PUS10: variants seen among roughly 807,000 people sequenced by gnomAD.
PUS10 encodes tRNA pseudouridine synthase Pus10.
A neutral mutation model predicts 75.0 loss-of-function variants in PUS10; 59 were observed. The observed-to-expected ratio is 0.79, with a 90% CI of 0.64 to 0.98. PUS10 has a LOEUF of 0.98. Ranked by LOEUF, PUS10 falls within the 50% of genes least tolerant of loss-of-function variation. The probability of loss-of-function intolerance (pLI) is 0.00; values close to 1 mark genes in which losing one functional copy is unlikely to be tolerated. For synonymous variants in PUS10, 219 were observed against 211.6 expected, an observed-to-expected ratio of 1.03 and a Z score of -0.30; for missense variants, 650 against 614.4, an observed-to-expected ratio of 1.06 and a Z score of -0.61.
chr2:61,009,039 G>C, intron 2 of PUS10, 24 bp from the exon 3 acceptor site: 4 of 1,594,666 alleles, frequency 2.5e-6, no homozygotes, highest in East Asian at 4.5e-5. Flanking sequence ...GAAAGAAAAA[G>C]TAATGACCCA....
At chr2:60,970,244 T>C (rs965574476) in intron 5 of PUS10, among the ~76,000 whole-genome samples, 1 of 152,214 alleles carries the variant, frequency 6.6e-6, no homozygotes, top group Non-Finnish European at 1.5e-5. Flanking sequence ...TTGAGACTAA[T>C]TTAATAAGAT....
At position 61,011,843 on chromosome 2, in the gene PUS10, G is replaced by A; in HGVS notation, c.48C>T (p.Leu16=). 1.2e-6 allele frequency: 2 copies of A among 1,608,974 alleles called. No homozygotes were observed. The highest frequency in any genetic ancestry group is 1.7e-4 in the Middle Eastern group (1 of 6,050). ...EENKHVAQLL[L]NTGTCPRCIF... Reference sequence around the variant, plus strand: ...TACATCTTGGACAAGTACCAGTATTGAGCAACAACTGGGCCACATGCTTGT... The same window carrying A: ...TACATCTTGGACAAGTACCAGTATTAAGCAACAACTGGGCCACATGCTTGT... The change falls in exon 2 of 18, where the codon CTC becomes CTT. Residue 16 remains leucine, a synonymous_variant. Coordinates refer to ENST00000316752, the MANE Select transcript of PUS10 (RefSeq NM_144709.4).
chr2:60,958,691 C>G (rs1410018277), intron 11 of PUS10, among the ~76,000 whole-genome samples: 1 of 152,038 alleles, frequency 6.6e-6, no homozygotes, highest in East Asian at 1.9e-4. Flanking sequence ...TGAGACTAGC[C>G]TTGGCAACAT....
At chr2:61,017,676 C>G in intron 1 of PUS10, 1 of 1,111,322 alleles carries the variant, frequency 9.0e-7, no homozygotes, top group Non-Finnish European at 1.3e-6. Flanking sequence ...GTGTTCTGCC[C>G]GTTGTGTCTT....
Position 60,971,558 on chromosome 2 carries a change from C to T in PUS10, c.469-1G>A, listed in dbSNP as rs1452302439. On this transcript the variant is annotated splice_acceptor_variant, in intron 4 of 17. Transcript: ENST00000316752. LOFTEE classifies it high-confidence loss of function. ...GTTTTACCAGCAACCATGCAGCATG[C>T]TGTAGGCAATTTAGTCACACCCAGA... is the stretch of plus-strand genomic sequence containing the variant. The T allele has an allele frequency of 1.2e-6, 2 of 1,613,664 alleles. No homozygotes were observed. Among genetic ancestry groups the T allele is most frequent in the South Asian group, 2.2e-5 (2 of 91,046 alleles).
At chr2:61,010,655 C>G in intron 2 of PUS10, 1 of 1,000,734 alleles carries the variant, frequency 1.0e-6, no homozygotes, top group Non-Finnish European at 1.4e-6. Flanking sequence ...TTTCCACGTA[C>G]TTTATTAGGT....
intron 17 of PUS10, 60 bp from the exon 18 acceptor site, chr2:60,942,493 G>C: frequency 1.6e-6 from 2 of 1,280,334 alleles, no homozygotes; most frequent in Non-Finnish European, 2.3e-6. Flanking sequence ...GCATTTGCTG[G>C]TAATGCTGTA....
chr2:61,005,947 AT>A (rs1261760847), intron 4 of PUS10, among the ~76,000 whole-genome samples: 1 of 152,238 alleles, frequency 6.6e-6, no homozygotes, highest in Non-Finnish European at 1.5e-5. Context: ...CATGGTTGTA[AT>A]TTGAGATTAC....
At position 61,008,749 on chromosome 2, in the gene PUS10, C is replaced by G; in HGVS notation, c.381+12G>C. 2.6e-6 allele frequency: 4 copies of G among 1,535,038 alleles called. No homozygotes were observed. Among genetic ancestry groups the G allele is most frequent in the Non-Finnish European group, 3.5e-6 (4 of 1,132,366 alleles). On this transcript the variant is annotated intron_variant, in intron 3 of 17. Coordinates refer to ENST00000316752, the MANE Select transcript of PUS10 (RefSeq NM_144709.4). ...ACATAATTGCACCTATAATGAAAAA[C>G]AGGTTATTTACCTTTTTAATGAAAT...
intron 1 of PUS10, among the ~76,000 whole-genome samples, chr2:61,012,743 AG>A (rs1679684428): frequency 6.9e-6 from 1 of 143,972 alleles, no homozygotes; most frequent in Non-Finnish European, 1.5e-5. Flanking sequence ...CTGAGGCAGG[AG>A]AATCACTTGA....
chr2:60,994,003 A>G (rs1678285903), intron 4 of PUS10, among the ~76,000 whole-genome samples: 1 of 151,956 alleles, frequency 6.6e-6, no homozygotes, highest in African/African-American at 2.4e-5. Flanking sequence ...GTTAGCCAGG[A>G]TGGTCTCGAT....
chr2:60,968,761 T>C (rs927173203), intron 5 of PUS10, among the ~76,000 whole-genome samples: 2 of 152,144 alleles, frequency 1.3e-5, no homozygotes, highest in Non-Finnish European at 2.9e-5. Context: ...AGAGAGAGCT[T>C]TCATATGGTT....
rs189752059 is a variant in PUS10 at position 60,992,866 on chromosome 2, A to T, written c.468+13691T>A. The stretch of plus-strand genomic sequence containing the variant: ...CCAGAAAAAAGAATCAAAGGTTTTG[A>T]TCATACTCGATACCGCAACATTTAC... On this transcript the variant is annotated intron_variant, in intron 4 of 17. Coordinates refer to ENST00000316752, the MANE Select transcript of PUS10 (RefSeq NM_144709.4). 1.7e-3 allele frequency among the ~76,000 whole-genome samples: 253 copies of T among 152,330 alleles called. 1 individual carries two copies. Among genetic ancestry groups the T allele is most frequent in the African/African-American group, 6.0e-3 (249 of 41,568 alleles).
At chr2:60,996,711 T>A (rs1201498050) in intron 4 of PUS10, among the ~76,000 whole-genome samples, 1 of 152,112 alleles carries the variant, frequency 6.6e-6, no homozygotes, top group Admixed American at 6.5e-5. Context: ...GGAGCCTTGG[T>A]TTTCTCCTCT....
intron 17 of PUS10, among the ~76,000 whole-genome samples, chr2:60,942,710 A>G (rs1558848821): frequency 6.6e-6 from 1 of 152,134 alleles, no homozygotes; most frequent in Non-Finnish European, 1.5e-5. Flanking sequence ...AATTTTTTAA[A>G]TGGTATTTAT....
At chr2:60,942,864 C>G (rs1483841971) in intron 17 of PUS10, among the ~76,000 whole-genome samples, 1 of 151,938 alleles carries the variant, frequency 6.6e-6, no homozygotes, top group Non-Finnish European at 1.5e-5. Flanking sequence ...AACCCCGTCT[C>G]CACTAAAAAT....
At chr2:60,964,774 T>TAGTAACA (rs1364295176) in intron 8 of PUS10, among the ~76,000 whole-genome samples, 3 of 152,172 alleles carry the variant, frequency 2.0e-5, no homozygotes, top group Admixed American at 6.5e-5. Context: ...TAATGAGTAA[T>TAGTAACA]AGTAACATCA....
chr2:61,012,276 CAA>C (rs1247767232), intron 1 of PUS10, among the ~76,000 whole-genome samples: 4 of 152,038 alleles, frequency 2.6e-5, no homozygotes, highest in Non-Finnish European at 1.5e-5. Context: ...CAGTATTGTA[CAA>C]AGTTAATTCA....
chr2:60,951,488 A>G (rs572691698), intron 15 of PUS10, among the ~76,000 whole-genome samples: 18 of 152,314 alleles, frequency 1.2e-4, no homozygotes, highest in Non-Finnish European at 2.2e-4. Context: ...GGGGATGATG[A>G]GGGACCCAGT....
Sources: allele counts gnomAD v4.1 joint callset (sites outside exome capture counted in the v4.1 genomes callset), GRCh38; gene constraint gnomAD v4.1.1; transcripts MANE v1.5; gene names NCBI Gene and HGNC (gene_info 2026-07-23, HGNC 2026-07-21).